The following KIAA1217 variants were observed in gnomAD, a reference collection of about 807,000 sequenced individuals.
The protein encoded by KIAA1217 is KIAA1217, also known as sickle tail protein homolog.
In KIAA1217, 88 loss-of-function variants were observed where a neutral mutation model predicts 163.9. That is an observed-to-expected ratio of 0.54 (90% CI 0.45 to 0.64). The LOEUF is 0.64. Ranked by LOEUF, KIAA1217 falls within the 30% of genes least tolerant of loss-of-function variation. KIAA1217 has a pLI of 0.00. For missense variants in KIAA1217, 2,372 were observed against 2,475.0 expected, an observed-to-expected ratio of 0.96 and a Z score of 0.88; for synonymous variants, 903 against 923.1, an observed-to-expected ratio of 0.98 and a Z score of 0.39.
At chr10:23,739,039 A>G (rs1426383776) in intron 1 of KIAA1217, among the ~76,000 whole-genome samples, 1 of 152,208 alleles carries the variant, frequency 6.6e-6, no homozygotes, top group East Asian at 1.9e-4. Context: ...AAAATATGAT[A>G]TATATGCACA....
intron 1 of KIAA1217, among the ~76,000 whole-genome samples, chr10:23,775,268 T>A (rs1389280259): frequency 6.6e-6 from 1 of 152,144 alleles, no homozygotes. Flanking sequence ...GTTTCTTGAT[T>A]GATTAATAGG....
intron 1 of KIAA1217, among the ~76,000 whole-genome samples, chr10:23,880,793 T>A (rs2131188156): frequency 6.8e-6 from 1 of 147,726 alleles, no homozygotes; most frequent in African/African-American, 2.5e-5. Flanking sequence ...CAAAAATGAA[T>A]GAGTAAATGG....
chr10:24,434,247 C>T (rs183489977), intron 4 of KIAA1217, among the ~76,000 whole-genome samples: 1 of 152,128 alleles, frequency 6.6e-6, no homozygotes, highest in African/African-American at 2.4e-5. Flanking sequence ...CCACGTGGGT[C>T]AGGCTGGTCT....
In KIAA1217 at chr10:24,544,400, C is replaced by T. The variant is rs764426895; in HGVS notation, c.5130C>T (p.Ala1710=). ...GTTCATCCCACATAGCCCAAGAGGC[C>T]TCTCCCCGACCCTTGCTAGTTCCGG... ...VASSSHIAQE[A]SPRPLLVPDE... is the part of the protein sequence containing the mutation. The change falls in exon 19 of 21, where the codon GCC becomes GCT. Residue 1710 remains alanine, a synonymous_variant. Coordinates refer to ENST00000376454, the MANE Select transcript of KIAA1217 (RefSeq NM_019590.5). The T allele has an allele frequency of 1.9e-6, 3 of 1,614,108 alleles. No homozygotes were observed. Among genetic ancestry groups the T allele is most frequent in the Non-Finnish European group, 2.5e-6 (3 of 1,180,018 alleles).
At chr10:23,849,405 G>A (rs781127781) in intron 1 of KIAA1217, among the ~76,000 whole-genome samples, 4 of 151,970 alleles carry the variant, frequency 2.6e-5, no homozygotes, top group Non-Finnish European at 5.9e-5. Flanking sequence ...TTGGGGCAAG[G>A]ACCCTAGATC....
intron 2 of KIAA1217, among the ~76,000 whole-genome samples, chr10:24,011,232 T>A (rs1399142091): frequency 6.6e-6 from 1 of 152,120 alleles, no homozygotes; most frequent in Non-Finnish European, 1.5e-5. Flanking sequence ...ACACCTATAG[T>A]CCCAACATTT....
At chr10:24,086,977 T>C (rs1283107472) in intron 2 of KIAA1217, among the ~76,000 whole-genome samples, 1 of 152,222 alleles carries the variant, frequency 6.6e-6, no homozygotes, top group Non-Finnish European at 1.5e-5. Context: ...GCAGATGACA[T>C]GGCCTTAGGT....
chr10:24,004,585 G>A (rs1846904783), intron 1 of KIAA1217, among the ~76,000 whole-genome samples: 1 of 152,186 alleles, frequency 6.6e-6, no homozygotes, highest in Admixed American at 6.5e-5. Context: ...AGAGATCCAA[G>A]CAATGGATTA....
chr10:23,742,920 A>G (rs905636095), intron 1 of KIAA1217, among the ~76,000 whole-genome samples: 3 of 152,134 alleles, frequency 2.0e-5, no homozygotes, highest in African/African-American at 7.2e-5. Flanking sequence ...CTGATTCTTG[A>G]CCATGTGTTC....
Position 24,422,901 on chromosome 10 carries a change from C to CTTTTTTTTTTTTTTTTTTTTTTTTTTTTT in KIAA1217, c.554-10073_554-10072insTTTTTTTTTTTTTTTTTTTTTTTTTTTTT, listed in dbSNP as rs58161228. Among the ~76,000 whole-genome samples, 5 of 120,620 alleles carry CTTTTTTTTTTTTTTTTTTTTTTTTTTTTT rather than the reference C, an allele frequency of 4.1e-5. 1 individual carries two copies. The highest frequency in any genetic ancestry group is 8.7e-5 in the Non-Finnish European group (5 of 57,450). 79.1% of individuals were successfully genotyped at this position (120,620 alleles called of 152,430 possible). A position where few individuals can be genotyped will look rare whatever the true frequency, so the allele number is the denominator to read the frequency against. On this transcript the variant is annotated intron_variant, in intron 3 of 20. Transcript: ENST00000376454. ...CTCATATTACTTCCTATAGATTTAA[C>CTTTTTTTTTTTTTTTTTTTTTTTTTTTTT]TTTTTTTTTTTTTTTTTTTTTGAGA...
chr10:24,060,202 T>C (rs773197637), intron 2 of KIAA1217, among the ~76,000 whole-genome samples: 1 of 152,112 alleles, frequency 6.6e-6, no homozygotes, highest in East Asian at 1.9e-4. Flanking sequence ...TGTTCTAATC[T>C]TTATTTCCTT....
rs887555609 is a variant in KIAA1217, at chr10:23,695,394, C to G, written c.-321+160C>G. Among the ~76,000 whole-genome samples, 2 of 152,148 alleles carry G rather than the reference C, an allele frequency of 1.3e-5. No homozygotes were observed. The highest frequency in any genetic ancestry group is 2.9e-5 in the Non-Finnish European group (2 of 68,012). ...TTTCGAGAGAGGGCAAGGACCCCCC[C>G]AGGAGGGCCAGGCCGGGAGGGGTCC... On this transcript the variant is annotated intron_variant, in intron 1 of 18. Transcript: ENST00000376462. The surrounding 1 kb of genome is among the most constrained non-coding windows in gnomAD (Gnocchi z 4.9).
intron 2 of KIAA1217, among the ~76,000 whole-genome samples, chr10:24,065,819 A>G (rs889755672): frequency 5.9e-5 from 9 of 152,038 alleles, no homozygotes; most frequent in Middle Eastern, 3.4e-3. Flanking sequence ...TATGAATCTG[A>G]GTGCTCCTGT....
intron 5 of KIAA1217, among the ~76,000 whole-genome samples, chr10:24,464,841 G>A (rs543030311): frequency 6.6e-6 from 1 of 152,286 alleles, no homozygotes; most frequent in Admixed American, 6.5e-5. Flanking sequence ...TAGCCAAGCA[G>A]CAGAGAGACA....
chr10:23,782,202 A>G (rs1397001121), intron 1 of KIAA1217, among the ~76,000 whole-genome samples: 1 of 152,178 alleles, frequency 6.6e-6, no homozygotes. Flanking sequence ...TGAATATGAA[A>G]TATCTTTCCA....
chr10:24,211,601 T>C (rs1399562372), intron 1 of KIAA1217, among the ~76,000 whole-genome samples: 1 of 149,394 alleles, frequency 6.7e-6, no homozygotes, highest in African/African-American at 2.5e-5. Flanking sequence ...TATTTTATTT[T>C]ATTTTAGAGA....
chr10:24,387,919 G>A (rs1311232068), intron 3 of KIAA1217, among the ~76,000 whole-genome samples: 2 of 151,914 alleles, frequency 1.3e-5, no homozygotes, highest in Non-Finnish European at 2.9e-5. Context: ...ACAAACAAAT[G>A]GAAGAACATT....
chr10:24,528,245 G>T (rs968212327), intron 14 of KIAA1217, 126 bp downstream of exon 14: 1 of 702,810 alleles, frequency 1.4e-6, no homozygotes, highest in South Asian at 2.6e-5. Flanking sequence ...CTTACAAAAT[G>T]TAAAACCTGG....
intron 1 of KIAA1217, among the ~76,000 whole-genome samples, chr10:23,836,754 C>T (rs918411822): frequency 4.6e-5 from 7 of 151,574 alleles, no homozygotes; most frequent in Admixed American, 6.6e-5. Flanking sequence ...ATGAGACCCC[C>T]GTCTCCACAA....
Sources: gnomAD v4.1 joint callset for allele counts (sites outside exome capture counted in the v4.1 genomes callset) on GRCh38, gnomAD v4.1.1 for gene constraint, Gnocchi (gnomAD v3.1) non-coding constraint, MANE v1.5 for transcripts, NCBI Gene and HGNC (gene_info 2026-07-23, HGNC 2026-07-21) for gene names.